CCT3: variants seen among roughly 807,000 people sequenced by gnomAD.
CCT3 encodes the protein T-complex protein 1 subunit gamma.
Under a neutral mutation model 65.3 loss-of-function variants are expected in CCT3, and 10 were observed. The ratio of observed to expected loss-of-function variants is 0.15; its 90% CI spans 0.09 to 0.26. The LOEUF (loss-of-function observed/expected upper bound fraction) is 0.26. Ranked by LOEUF, CCT3 falls within the 10% of genes least tolerant of loss-of-function variation. The probability of loss-of-function intolerance (pLI) is 1.00; values close to 1 mark genes in which losing one functional copy is unlikely to be tolerated. For missense variants in CCT3, 626 were observed against 708.7 expected, an observed-to-expected ratio of 0.88 and a Z score of 1.33; for synonymous variants, 225 against 242.3, an observed-to-expected ratio of 0.93 and a Z score of 0.66.
intron 5 of CCT3, among the ~76,000 whole-genome samples, chr1:156,329,470 T>G (rs1665012034): frequency 6.6e-6 from 1 of 151,762 alleles, no homozygotes; most frequent in East Asian, 2.0e-4. Flanking sequence ...CATGCCCAGC[T>G]CATTTTTTGT....
At chr1:156,318,295 C>T (rs1664397108) in intron 8 of CCT3, among the ~76,000 whole-genome samples, 2 of 150,308 alleles carry the variant, frequency 1.3e-5, no homozygotes, top group Admixed American at 1.3e-4. Flanking sequence ...GTGATCACAG[C>T]TCCTTGCACC....
At chr1:156,329,413 C>G (rs1042373819) in intron 5 of CCT3, among the ~76,000 whole-genome samples, 2 of 148,432 alleles carry the variant, frequency 1.3e-5, no homozygotes, top group Non-Finnish European at 3.0e-5. Context: ...TCAAGTGATA[C>G]TCCTGACTCA....
intron 10 of CCT3, among the ~76,000 whole-genome samples, chr1:156,314,119 A>C (rs1434479892): frequency 1.3e-5 from 2 of 151,580 alleles, no homozygotes; most frequent in Non-Finnish European, 2.9e-5. Flanking sequence ...ACATTATGAA[A>C]GAGAACCCCA....
chr1:156,311,951 T>C (rs1343865210), intron 11 of CCT3, 90 bp downstream of exon 11: 1 of 1,057,602 alleles, frequency 9.5e-7, no homozygotes, highest in East Asian at 2.6e-5. Flanking sequence ...TAGCTATAAA[T>C]GGACCACAGA....
chr1:156,338,063 G>A, intron 1 of CCT3, 91 bp downstream of exon 1: 1 of 1,391,518 alleles, frequency 7.2e-7, no homozygotes, highest in Admixed American at 2.0e-5. Flanking sequence ...CAGTGGCCCG[G>A]TCAGTGGGGG....
At chr1:156,334,977 T>C in intron 2 of CCT3, 59 bp from the exon 3 acceptor site, 1 of 1,489,374 alleles carries the variant, frequency 6.7e-7, no homozygotes, top group Middle Eastern at 1.8e-4. Flanking sequence ...GTGAGAAATG[T>C]TGGAGTAATA....
intron 10 of CCT3, among the ~76,000 whole-genome samples, chr1:156,315,785 A>T (rs1307820210): frequency 6.6e-6 from 1 of 152,176 alleles, no homozygotes; most frequent in African/African-American, 2.4e-5. Flanking sequence ...TTGAATTCAA[A>T]ATATACTTTG....
At chr1:156,328,187 CGGGA>C (rs1377299904) in intron 5 of CCT3, among the ~76,000 whole-genome samples, 1 of 109,278 alleles carries the variant, frequency 9.2e-6, no homozygotes, top group Non-Finnish European at 2.1e-5. Context: ...CCGCCCCGTC[CGGGA>C]GGGAGGTGGG....
intron 10 of CCT3, 122 bp from the exon 11 acceptor site, chr1:156,312,343 G>A (rs1664120768): frequency 2.3e-6 from 2 of 857,030 alleles, no homozygotes; most frequent in Admixed American, 5.7e-5. Flanking sequence ...CATCACTTAA[G>A]AGGTCTTGCC....
At chr1:156,320,789 A>T (rs1664518902) in intron 7 of CCT3, 50 bp downstream of exon 7, 3 of 1,226,140 alleles carry the variant, frequency 2.4e-6, no homozygotes, top group Non-Finnish European at 3.5e-6. Context: ...AAGTGAGATG[A>T]CTCATGCTAA....
chr1:156,332,035 A>T (rs551883716), intron 5 of CCT3, among the ~76,000 whole-genome samples: 2 of 116,862 alleles, frequency 1.7e-5, no homozygotes, highest in African/African-American at 5.4e-5. Flanking sequence ...TCCATCTCAA[A>T]AAAAAAAAGA....
Position 156,309,030 on chromosome 1 carries a change from T to C in CCT3, c.*169A>G. ...ATGGAAACCTTACAATAGAGAAGAA[T>C]TACATGTCAGTGTCTTTTGGAAAAC... is the stretch of plus-strand genomic sequence containing the variant. On this transcript the variant is annotated 3_prime_UTR_variant, in exon 14 of 14. Transcript: ENST00000295688. 1.7e-6 allele frequency: 1 copy of C among 586,082 alleles called. No homozygotes were observed. Among genetic ancestry groups the C allele is most frequent in the African/African-American group, 1.8e-5 (1 of 54,198 alleles). The allele number at this position is 586,082 out of a possible 1,614,324, so 36.3% of individuals were successfully genotyped here.
chr1:156,332,281 G>C (rs897398852), intron 5 of CCT3, among the ~76,000 whole-genome samples: 7 of 152,114 alleles, frequency 4.6e-5, no homozygotes, highest in Admixed American at 3.3e-4. Context: ...CAAAGTGCTG[G>C]GATTACAGGT....
At chr1:156,337,938 A>G (rs1665514654) in intron 1 of CCT3, 1 of 584,382 alleles carries the variant, frequency 1.7e-6, no homozygotes. Flanking sequence ...CGTCAAGGAA[A>G]GAGGCTCGGC....
chr1:156,330,831 T>C (rs977675953), intron 5 of CCT3, among the ~76,000 whole-genome samples: 2 of 151,298 alleles, frequency 1.3e-5, no homozygotes, highest in Admixed American at 6.6e-5. Context: ...GGAGAATCAC[T>C]TGAACCCCAG....
rs1030523436 is a variant in CCT3 at position 156,325,056 on chromosome 1, AG to A, written c.337del (p.Leu113TrpfsTer10). The A allele has an allele frequency of 6.2e-7, 1 of 1,613,304 alleles. No individual in the cohort carries two copies. The highest frequency in any genetic ancestry group is 1.3e-5 in the African/African-American group (1 of 74,934). On this transcript the variant is annotated frameshift_variant, in exon 6 of 14. Coordinates refer to ENST00000295688, the MANE Select transcript of CCT3 (RefSeq NM_005998.5). LOFTEE classifies it high-confidence loss of function. ...GEMLSVAEHFLEQQMHPTVVI... is the reference protein window; with the variant it reads ...GEMLSVAEHFXEQQMHPTVVI... ...CACTGTTGGGTGCATCTGCTGCTCC[AG>A]GAAGTGCTCAGCTACAGACAGCATT...
intron 5 of CCT3, among the ~76,000 whole-genome samples, chr1:156,327,070 G>A (rs866991893): frequency 6.6e-6 from 1 of 152,114 alleles, no homozygotes; most frequent in South Asian, 2.1e-4. Flanking sequence ...AATAAAATTT[G>A]TCTTTACTTT....
rs559216979 is a variant in CCT3, at chr1:156,322,369, C to T, written c.423-1344G>A. Among the ~76,000 whole-genome samples, 23 of 151,734 alleles carry T rather than the reference C, an allele frequency of 1.5e-4. 1 individual carries two copies. Among genetic ancestry groups the T allele is most frequent in the Admixed American group, 1.2e-3 (19 of 15,218 alleles). On this transcript the variant is annotated intron_variant, in intron 6 of 13. Transcript: ENST00000295688. The stretch of plus-strand genomic sequence containing the variant: ...AAAATTAGCTAGGTGTGGTGGTATG[C>T]GCCTGTAGTCCCAGCTACTTGGGAG...
At chr1:156,330,593 C>T (rs1665062813) in intron 5 of CCT3, among the ~76,000 whole-genome samples, 1 of 151,998 alleles carries the variant, frequency 6.6e-6, no homozygotes, top group African/African-American at 2.4e-5. Flanking sequence ...GCCCAGGAGG[C>T]AGAGGTTGCA....
Sources: gnomAD v4.1 joint callset for allele counts (sites outside exome capture counted in the v4.1 genomes callset) on GRCh38, gnomAD v4.1.1 for gene constraint, MANE v1.5 for transcripts, NCBI Gene and HGNC (gene_info 2026-07-23, HGNC 2026-07-21) for gene names.